The following CSMD1 variants were observed in gnomAD, a reference collection of about 807,000 sequenced individuals.
CSMD1 encodes CUB and sushi domain-containing protein 1.
Under a neutral mutation model 417.5 loss-of-function variants are expected in CSMD1, and 213 were observed. The ratio of observed to expected loss-of-function variants is 0.51; its 90% CI spans 0.46 to 0.57. CSMD1 has a LOEUF of 0.57. CSMD1 is among the 20% of genes least tolerant of loss of function. The probability of loss-of-function intolerance (pLI) is 0.00; values close to 1 mark genes in which losing one functional copy is unlikely to be tolerated. For missense variants in CSMD1, 6,923 were observed against 4,529.7 expected (o/e 1.53, Z -15.17); for synonymous variants, 2,862 against 1,736.8 (o/e 1.65, Z -16.11).
intron 10 of CSMD1, among the ~76,000 whole-genome samples, chr8:3,509,125 A>C (rs1796957084): frequency 6.6e-6 from 1 of 152,140 alleles, no homozygotes; most frequent in Non-Finnish European, 1.5e-5. Flanking sequence ...TTCTTATGAG[A>C]ATTTACTCTA....
At chr8:4,287,060 T>C (rs1228317467) in intron 3 of CSMD1, among the ~76,000 whole-genome samples, 1 of 152,202 alleles carries the variant, frequency 6.6e-6, no homozygotes, top group Non-Finnish European at 1.5e-5. Context: ...CACTAAGGCT[T>C]AGTAACTTGA....
intron 2 of CSMD1, among the ~76,000 whole-genome samples, chr8:4,631,794 A>T (rs1416369812): frequency 6.6e-6 from 1 of 152,192 alleles, no homozygotes; most frequent in Non-Finnish European, 1.5e-5. Flanking sequence ...ATTGCAGAAA[A>T]TTAGGGGTAA....
At chr8:4,019,914 T>TAA (rs144493389) in intron 4 of CSMD1, among the ~76,000 whole-genome samples, 23 of 144,240 alleles carry the variant, frequency 1.6e-4, no homozygotes, top group Admixed American at 2.8e-4. Flanking sequence ...AGTAATTCAT[T>TAA]AAAAAAAAAA....
chr8:3,727,617 A>G (rs564083432), intron 6 of CSMD1, among the ~76,000 whole-genome samples: 4 of 152,358 alleles, frequency 2.6e-5, no homozygotes, highest in African/African-American at 7.2e-5. Flanking sequence ...ACTTTTGCGT[A>G]CACACCTGAA....
chr8:3,281,539 T>C (rs193192548), intron 26 of CSMD1, among the ~76,000 whole-genome samples: 5 of 152,282 alleles, frequency 3.3e-5, no homozygotes, highest in Admixed American at 2.0e-4. Flanking sequence ...TGAAAAGACC[T>C]GGAGCTTGAA....
chr8:3,648,774 T>C (rs1012922639), intron 7 of CSMD1, among the ~76,000 whole-genome samples: 1 of 152,164 alleles, frequency 6.6e-6, no homozygotes, highest in Non-Finnish European at 1.5e-5. Context: ...GCAGTATGCA[T>C]TGTATTTAAA....
At chr8:3,539,763 TAA>T (rs33938448) in intron 10 of CSMD1, among the ~76,000 whole-genome samples, 2,893 of 129,710 alleles carry the variant, frequency 0.022, 73 homozygotes, top group African/African-American at 0.061. Context: ...TTCTTTATGA[TAA>T]AAAAAAAAAA....
intron 2 of CSMD1, among the ~76,000 whole-genome samples, chr8:4,525,715 G>T (rs1796479257): frequency 6.6e-6 from 1 of 152,134 alleles, no homozygotes; most frequent in African/African-American, 2.4e-5. Flanking sequence ...GCTAGGGATG[G>T]TCAGGTGTCA....
chr8:4,071,762 G>T (rs767760063), intron 3 of CSMD1, among the ~76,000 whole-genome samples: 1 of 152,060 alleles, frequency 6.6e-6, no homozygotes, highest in Non-Finnish European at 1.5e-5. Flanking sequence ...CGTCTTTGGG[G>T]TTTTATTTTT....
At chr8:3,602,844 T>C (rs186652809) in intron 8 of CSMD1, among the ~76,000 whole-genome samples, 5 of 152,182 alleles carry the variant, frequency 3.3e-5, no homozygotes, top group Admixed American at 2.6e-4. Flanking sequence ...TGGGCTTTTG[T>C]TGATAATTCA....
At chr8:4,610,462 G>T (rs1015291911) in intron 2 of CSMD1, among the ~76,000 whole-genome samples, 1 of 152,088 alleles carries the variant, frequency 6.6e-6, no homozygotes, top group African/African-American at 2.4e-5. Context: ...CTTCTTCAGG[G>T]ACAGGCTCCA....
chr8:3,225,553 C>G (rs1254280372), intron 27 of CSMD1, among the ~76,000 whole-genome samples: 1 of 151,996 alleles, frequency 6.6e-6, no homozygotes, highest in Admixed American at 6.6e-5. Flanking sequence ...AAGAAGGTAC[C>G]TGAAGGTCTA....
chr8:3,131,051 G>C (rs2129026423), intron 41 of CSMD1, among the ~76,000 whole-genome samples: 1 of 152,222 alleles, frequency 6.6e-6, no homozygotes, highest in South Asian at 2.1e-4. Flanking sequence ...GAACTACTTT[G>C]GCATTCTGGG....
intron 7 of CSMD1, among the ~76,000 whole-genome samples, chr8:3,696,705 T>G (rs142834225): frequency 6.6e-6 from 1 of 152,188 alleles, no homozygotes; most frequent in Admixed American, 6.5e-5. Context: ...GGAAGTCCAA[T>G]TGTCCATTTT....
At chr8:3,876,756 T>G (rs929556008) in intron 5 of CSMD1, among the ~76,000 whole-genome samples, 5 of 152,130 alleles carry the variant, frequency 3.3e-5, no homozygotes, top group African/African-American at 1.2e-4. Flanking sequence ...AGCACAGGCA[T>G]AGGCCACCAG....
intron 5 of CSMD1, among the ~76,000 whole-genome samples, chr8:3,901,991 C>T (rs971926171): frequency 6.6e-6 from 1 of 152,064 alleles, no homozygotes; most frequent in African/African-American, 2.4e-5. Context: ...TTCTCTTATT[C>T]TTTCCCTCCT....
intron 25 of CSMD1, among the ~76,000 whole-genome samples, chr8:3,295,094 G>A (rs941503792): frequency 4.0e-5 from 6 of 151,400 alleles, no homozygotes. Context: ...GTGTGTGCTT[G>A]TATCACTTTC....
At chr8:4,717,586 A>ATC (rs1563209046) in intron 1 of CSMD1, among the ~76,000 whole-genome samples, 4,325 of 146,938 alleles carry the variant, frequency 0.029, 166 homozygotes, top group African/African-American at 0.088. Flanking sequence ...ATCCATCCAT[A>ATC]CATCCATCCA....
chr8:4,797,637 A>G (rs1199789250), intron 1 of CSMD1, among the ~76,000 whole-genome samples: 1 of 152,250 alleles, frequency 6.6e-6, no homozygotes, highest in Admixed American at 6.5e-5. Flanking sequence ...TATAAAGCGA[A>G]GATATAGAAA....
Sources: gnomAD v4.1 joint callset for allele counts (sites outside exome capture counted in the v4.1 genomes callset) on GRCh38, gnomAD v4.1.1 for gene constraint, MANE v1.5 for transcripts, NCBI Gene and HGNC (gene_info 2026-07-23, HGNC 2026-07-21) for gene names.